SYNM: variants seen among roughly 807,000 people sequenced by gnomAD.
The protein encoded by SYNM is desmuslin.
SYNM carries 95 observed loss-of-function variants against 104.0 expected under a neutral mutation model. The ratio of observed to expected loss-of-function variants is 0.91; its 90% CI spans 0.77 to 1.08. The LOEUF (loss-of-function observed/expected upper bound fraction) is 1.08. Among genes scored for constraint, SYNM ranks in the 50% least tolerant of loss-of-function variants. SYNM has a pLI of 0.00. For missense variants in SYNM, 2,150 were observed against 2,052.2 expected, an observed-to-expected ratio of 1.05 and a Z score of -0.92; for synonymous variants, 918 against 869.0, an observed-to-expected ratio of 1.06 and a Z score of -0.99.
intron 3 of SYNM, among the ~76,000 whole-genome samples, chr15:99,127,481 C>T (rs4965446): frequency 0.1 from 15,610 of 152,162 alleles, 959 homozygotes; most frequent in East Asian, 0.29. Context: ...AAGCAAGTGT[C>T]GATTAAATTA....
chr15:99,105,140 G>C lies in SYNM; in HGVS notation c.-60G>C, dbSNP rs1472746357. 3.3e-6 allele frequency: 5 copies of C among 1,524,150 alleles called. No homozygotes were observed. The East Asian group carries it at 7.4e-5, about 23-fold the overall frequency. The allele number at this position is 1,524,150 out of a possible 1,614,324, so 94.4% of individuals were successfully genotyped here. On this transcript the variant is annotated 5_prime_UTR_variant, in exon 1 of 4. Coordinates refer to ENST00000336292, the MANE Select transcript of SYNM (RefSeq NM_145728.3). The stretch of plus-strand genomic sequence containing the variant: ...GCGTCGCGGCGGAGAGGACGAGACC[G>C]GGACAAGACCAGGGCAGGAGGGAGC...
At position 99,105,853 on chromosome 15, in the gene SYNM, G is replaced by A. The variant is rs1555482625; in HGVS notation, c.654G>A (p.Glu218=). The part of the protein sequence containing the change: ...ELEEALRRGQ[E]SRLQAEEETR... ...AGGAGGCGCTGCGGCGCGGCCAGGA[G>A]AGCAGACTCCAGGCGGAGGAAGAGA... The change falls in exon 1 of 4, where the codon GAG becomes GAA. Residue 218 remains glutamate, a synonymous_variant. Transcript: ENST00000336292. 18 of 1,543,384 alleles carry A rather than the reference G, an allele frequency of 1.2e-5. No individual in the cohort carries two copies. The highest frequency in any genetic ancestry group is 1.6e-5 in the Non-Finnish European group (18 of 1,146,700).
intron 2 of SYNM, among the ~76,000 whole-genome samples, chr15:99,121,395 C>T (rs186806573): frequency 1.3e-4 from 20 of 152,126 alleles, no homozygotes; most frequent in African/African-American, 2.2e-4. Flanking sequence ...CAGTCGCTAG[C>T]GCCCAGGCGT....
In SYNM at chr15:99,131,514, G is replaced by T; in HGVS notation, c.3154G>T (p.Glu1052Ter). The change falls in exon 4 of 4, where the codon GAG (glutamate) becomes TAG (stop). Residue 1052 changes from glutamate (E) to a stop codon, truncating the protein, a stop_gained. Transcript: ENST00000336292. LOFTEE classifies it high-confidence loss of function. The surrounding 1 kb of genome is among the most constrained non-coding windows in gnomAD (Gnocchi z 4.3). ...QRSPAPGSPD[E>*]EGGAEAPAAG... ...CAGCCCAGCGCCTGGCAGCCCAGAT[G>T]AGGAAGGTGGAGCGGAGGCCCCGGC... 1 of 1,607,268 alleles carries T rather than the reference G, an allele frequency of 6.2e-7. No individual in the cohort carries two copies.
At chr15:99,124,952 G>A (rs1471397730) in intron 2 of SYNM, among the ~76,000 whole-genome samples, 1 of 152,242 alleles carries the variant, frequency 6.6e-6, no homozygotes, top group Admixed American at 6.5e-5. Flanking sequence ...GAAGCCCCAC[G>A]CAGGGCTGGT....
At chr15:99,140,875 T>G in the SYNM span, 2 of 152,174 alleles carry the variant, frequency 1.3e-5, no homozygotes, top group Non-Finnish European at 2.9e-5. Flanking sequence ...TCAGAATACA[T>G]GAAGAATTCC....
chr15:99,105,224 G>A lies in SYNM; in HGVS notation c.25G>A (p.Gly9Ser). ...GATGCTGTCCTGGCGGCTGCAGACG[G>A]GCCCCGAGAAGGCCGAGCTCCAGGA... MLSWRLQTGPEKAELQELN... is the reference protein window; with the variant it reads MLSWRLQTSPEKAELQELN... The change falls in exon 1 of 4, where the codon GGC becomes AGC. Residue 9 changes from glycine to serine, a missense_variant. Physicochemically the swap from Gly to Ser is moderately conservative, Grantham distance 56. Coordinates refer to ENST00000336292, the MANE Select transcript of SYNM (RefSeq NM_145728.3). The A allele has an allele frequency of 6.3e-7, 1 of 1,574,862 alleles. No individual in the cohort carries two copies. Among genetic ancestry groups the A allele is most frequent in the Non-Finnish European group, 8.6e-7 (1 of 1,161,926 alleles).
chr15:99,131,926 T>C lies in SYNM; in HGVS notation c.3566T>C (p.Phe1189Ser). 6 of 1,613,810 alleles carry C rather than the reference T, an allele frequency of 3.7e-6. No homozygotes were observed. The highest frequency in any genetic ancestry group is 5.1e-6 in the Non-Finnish European group (6 of 1,179,848). Residue 1189 changes from phenylalanine (F) to serine (S), a missense_variant, in exon 4 of 4, where the codon TTC becomes TCC. By Grantham distance (155) the Phe-to-Ser change is radical. Transcript: ENST00000336292. This position sits in a 1 kb window ranked among gnomAD's most constrained non-coding sequence, Gnocchi z 4.3. ...AGTCCACTGTCCAGAGAAGTCATCT[T>C]CCTAGGCCCTGCCCCTGCCTGTCCA... ...GQSPLSREVI[F>S]LGPAPACPEA...
chr15:99,105,656 A>T lies in SYNM; in HGVS notation c.457A>T (p.Arg153Trp). 7.1e-7 allele frequency: 1 copy of T among 1,406,964 alleles called. No individual in the cohort carries two copies. Among genetic ancestry groups the T allele is most frequent in the South Asian group, 1.5e-5 (1 of 65,266 alleles). 87.2% of individuals were successfully genotyped at this position (1,406,964 alleles called of 1,614,324 possible). Residue 153 changes from arginine to tryptophan, a missense_variant, in exon 1 of 4, where the codon AGG becomes TGG. Transcript: ENST00000336292. ...CGACGCGGCCCACGAACGCGACGTG[A>T]GGGAGCTGCGCGCGCGCGCCGCCAG... ...GLDAAHERDV[R>W]ELRARAASLT...
chr15:99,129,152 AGT>A (rs2067473855), intron 3 of SYNM: 2 of 609,278 alleles, frequency 3.3e-6, no homozygotes, highest in Admixed American at 3.2e-5. Context: ...GTTAGGCTGA[AGT>A]ATTTGTAGTG....
intron 1 of SYNM, among the ~76,000 whole-genome samples, chr15:99,108,913 A>G (rs1359662646): frequency 6.6e-6 from 1 of 152,250 alleles, no homozygotes; most frequent in African/African-American, 2.4e-5. Flanking sequence ...TTCAAGTCCT[A>G]AAATGCTTTT....
At chr15:99,137,929 A>G (rs554107946), downstream of SYNM, 5 of 1,577,134 alleles carry the variant, frequency 3.2e-6, no homozygotes. Context: ...GTTGAATTCC[A>G]TTTTCTAGGC....
At chr15:99,108,761 A>C (rs1405271343) in intron 1 of SYNM, among the ~76,000 whole-genome samples, 1 of 152,174 alleles carries the variant, frequency 6.6e-6, no homozygotes, top group Non-Finnish European at 1.5e-5. Flanking sequence ...CTCAGGCTCT[A>C]GTGCCTGAGC....
chr15:99,110,945 T>C (rs2067295237), intron 1 of SYNM, among the ~76,000 whole-genome samples: 1 of 152,202 alleles, frequency 6.6e-6, no homozygotes, highest in Non-Finnish European at 1.5e-5. Flanking sequence ...GCAGGATTTG[T>C]TGTGATTTCT....
Position 99,132,105 on chromosome 15 carries a change from T to G in SYNM, c.3745T>G (p.Tyr1249Asp), listed in dbSNP as rs2067516093. ...PISAAGKVGDYFATEESVGTQ... is the reference protein window; with the variant it reads ...PISAAGKVGDDFATEESVGTQ... ...TTCTGCTGCAGGGAAGGTTGGTGAT[T>G]ATTTTGCAACAGAAGAGTCAGTGGG... The change falls in exon 4 of 4, where the codon TAT (tyrosine) becomes GAT (aspartate). Residue 1249 changes from tyrosine (Y) to aspartate (D), a missense_variant. Tyr to Asp is a radical substitution (Grantham distance 160). Coordinates refer to ENST00000336292, the MANE Select transcript of SYNM (RefSeq NM_145728.3). The G allele has an allele frequency of 1.2e-6, 2 of 1,613,878 alleles. No homozygotes were observed. Among genetic ancestry groups the G allele is most frequent in the Admixed American group, 1.7e-5 (1 of 60,008 alleles).
Position 99,132,091 on chromosome 15 carries a change from G to T in SYNM, c.3731G>T (p.Gly1244Val). ...TTTCAGGGCCCCATTTCTGCTGCAGGGAAGGTTGGTGATTATTTTGCAACA... is the reference window on the plus strand; with the variant it reads ...TTTCAGGGCCCCATTTCTGCTGCAGTGAAGGTTGGTGATTATTTTGCAACA... ...IIFQGPISAA[G>V]KVGDYFATEE... is the part of the protein sequence containing the mutation. The change falls in exon 4 of 4, where the codon GGG becomes GTG. Residue 1244 changes from glycine (G) to valine (V), a missense_variant. Coordinates refer to ENST00000336292, the MANE Select transcript of SYNM (RefSeq NM_145728.3). 5 of 1,613,980 alleles carry T rather than the reference G, an allele frequency of 3.1e-6. No homozygotes were observed. The highest frequency in any genetic ancestry group is 4.2e-6 in the Non-Finnish European group (5 of 1,179,896).
At position 99,134,577 on chromosome 15, in the gene SYNM, C is replaced by A. The variant is rs2067546528; in HGVS notation, c.*1519C>A. ...CTGTGGCGCACTGGGGAATAACAGT[C>A]TGAGCTAGCACCACCCTCAGCCAGG... On this transcript the variant is annotated 3_prime_UTR_variant, in exon 4 of 4. Coordinates refer to ENST00000336292, the MANE Select transcript of SYNM (RefSeq NM_145728.3). 6.6e-6 allele frequency: 1 copy of A among 152,166 alleles called. No individual in the cohort carries two copies. The highest frequency in any genetic ancestry group is 2.1e-4 in the South Asian group (1 of 4,826). 9.4% of individuals were successfully genotyped at this position (152,166 alleles called of 1,614,324 possible). A position where few individuals can be genotyped will look rare whatever the true frequency, so the allele number is the denominator to read the frequency against.
At chr15:99,106,085 G>A in intron 1 of SYNM, 76 bp downstream of exon 1, 1 of 1,330,568 alleles carries the variant, frequency 7.5e-7, no homozygotes, top group Non-Finnish European at 9.6e-7. Flanking sequence ...ACGGCGTGGG[G>A]CAGCGGCCCC....
intron 1 of SYNM, among the ~76,000 whole-genome samples, chr15:99,108,339 G>T (rs924589630): frequency 1.3e-5 from 2 of 151,848 alleles, no homozygotes; most frequent in Admixed American, 1.3e-4. Flanking sequence ...TCACTACCTT[G>T]TCCATATACT....
Sources: gnomAD v4.1 joint callset for allele counts (sites outside exome capture counted in the v4.1 genomes callset) on GRCh38, gnomAD v4.1.1 for gene constraint, Gnocchi (gnomAD v3.1) non-coding constraint, MANE v1.5 for transcripts, NCBI Gene and HGNC (gene_info 2026-07-23, HGNC 2026-07-21) for gene names.